The following ESF1 variants were observed in gnomAD, a reference collection of about 807,000 sequenced individuals.
ESF1 encodes ESF1 nucleolar pre-rRNA processing protein.
ESF1 carries 58 observed loss-of-function variants against 92.0 expected under a neutral mutation model. That is an observed-to-expected ratio of 0.63 (90% confidence interval 0.51 to 0.78). The LOEUF (loss-of-function observed/expected upper bound fraction) is 0.78. Ranked by LOEUF, ESF1 falls within the 30% of genes least tolerant of loss-of-function variation. ESF1 has a pLI of 0.00. For missense variants in ESF1, 922 were observed against 989.1 expected (o/e 0.93, Z 0.91); for synonymous variants, 321 against 313.7 (o/e 1.02, Z -0.24).
At chr20:13,748,457 T>C (rs6042338) in intron 9 of ESF1, among the ~76,000 whole-genome samples, 31 of 72,588 alleles carry the variant, frequency 4.3e-4, no homozygotes, top group African/African-American at 1.5e-3. Flanking sequence ...TACATATATA[T>C]ACATATATAC....
chr20:13,748,479 CAT>C (rs928975934), intron 9 of ESF1, among the ~76,000 whole-genome samples: 2 of 87,752 alleles, frequency 2.3e-5, no homozygotes, highest in Admixed American at 1.2e-4. Flanking sequence ...CATATATACA[CAT>C]ATACACATAT....
intron 2 of ESF1, among the ~76,000 whole-genome samples, chr20:13,779,597 C>T (rs1178872497): frequency 3.9e-5 from 6 of 152,174 alleles, no homozygotes; most frequent in South Asian, 2.1e-4. Flanking sequence ...TGCAGTGGCA[C>T]GATCTTGGCT....
At chr20:13,720,576 G>T (rs1688646702) in intron 11 of ESF1, among the ~76,000 whole-genome samples, 1 of 152,106 alleles carries the variant, frequency 6.6e-6, no homozygotes, top group Non-Finnish European at 1.5e-5. Context: ...CACTAGCCTG[G>T]GTTCTTGAAA....
chr20:13,718,152 C>T (rs576735200), intron 12 of ESF1, among the ~76,000 whole-genome samples: 2 of 152,288 alleles, frequency 1.3e-5, no homozygotes, highest in African/African-American at 4.8e-5. Context: ...AGTATGCTCT[C>T]GACCTTTGTG....
At chr20:13,728,265 G>A (rs2049915217) in intron 11 of ESF1, 113 bp downstream of exon 11, 1 of 736,634 alleles carries the variant, frequency 1.4e-6, no homozygotes, top group Non-Finnish European at 2.2e-6. Context: ...TGTCACTAAG[G>A]GAGCTACACA....
At chr20:13,743,125 A>G (rs1355547516) in intron 9 of ESF1, among the ~76,000 whole-genome samples, 1 of 152,220 alleles carries the variant, frequency 6.6e-6, no homozygotes. Flanking sequence ...AGACATACAA[A>G]TGGCCAACAG....
chr20:13,766,972 A>T, intron 7 of ESF1, 48 bp from the exon 8 acceptor site: 4 of 1,580,670 alleles, frequency 2.5e-6, no homozygotes, highest in Non-Finnish European at 3.4e-6. Context: ...TGGAAATGTC[A>T]GCTCAAACTT....
At chr20:13,764,577 A>G (rs897287001) in intron 8 of ESF1, among the ~76,000 whole-genome samples, 1 of 152,238 alleles carries the variant, frequency 6.6e-6, no homozygotes, top group African/African-American at 2.4e-5. Flanking sequence ...AGCCTTACAA[A>G]TAATACAGTC....
Position 13,769,956 on chromosome 20 carries a change from G to C in ESF1, c.1469C>G (p.Thr490Arg). The change falls in exon 7 of 14, where the codon ACA becomes AGA. Residue 490 changes from threonine (T) to arginine (R), a missense_variant. Thr to Arg is a moderately conservative substitution (Grantham distance 71). Coordinates refer to ENST00000617257, the MANE Select transcript of ESF1 (RefSeq NM_001276380.2). ...PKDVASEVNLTAYKPKYFTSA... is the reference protein window; with the variant it reads ...PKDVASEVNLRAYKPKYFTSA... The stretch of plus-strand genomic sequence containing the variant: ...AGTGAAATATTTTGGTTTATATGCT[G>C]TTAAATTCACTTCTGAGGCTACATC... 6.2e-7 allele frequency: 1 copy of C among 1,612,420 alleles called. No individual in the cohort carries two copies. Among genetic ancestry groups the C allele is most frequent in the South Asian group, 1.1e-5 (1 of 90,862 alleles).
rs78344053 is a variant in ESF1, at chr20:13,726,077, C to T, written c.2038+2301G>A. On this transcript the variant is annotated intron_variant, in intron 11 of 13. Transcript: ENST00000617257. ...TCTCTTCTCCATCCAATTCCACGAG[C>T]GGCATGCCAGGTAAACAACCATTAT... is the stretch of plus-strand genomic sequence containing the variant. Among the ~76,000 whole-genome samples the T allele has an allele frequency of 8.6e-4, 131 of 152,234 alleles. No individual in the cohort carries two copies. In the East Asian group the frequency reaches 0.022, roughly 26 times the overall value.
At chr20:13,774,374 G>A (rs1489300574) in intron 4 of ESF1, among the ~76,000 whole-genome samples, 2 of 152,196 alleles carry the variant, frequency 1.3e-5, no homozygotes, top group Admixed American at 6.5e-5. Context: ...CATCCAGTAA[G>A]TATATATAAT....
rs556180375 is a variant in ESF1 at position 13,775,828 on chromosome 20, T to C, written c.1035+45A>G. 3.9e-6 allele frequency: 6 copies of C among 1,545,976 alleles called. No homozygotes were observed. The South Asian group carries it at 7.8e-5, about 20-fold the overall frequency. On this transcript the variant is annotated intron_variant, in intron 3 of 13. Coordinates refer to ENST00000617257, the MANE Select transcript of ESF1 (RefSeq NM_001276380.2). ...AGTTCTACCAGCCATAAAAGCTGCT[T>C]GTACTGTGTTTTTCACAAATAATCT...
intron 7 of ESF1, 59 bp downstream of exon 7, chr20:13,769,848 C>T (rs1600291461): frequency 9.1e-7 from 1 of 1,102,220 alleles, no homozygotes; most frequent in African/African-American, 1.6e-5. Context: ...AAGTAATATA[C>T]AAAATCTCTT....
intron 9 of ESF1, among the ~76,000 whole-genome samples, chr20:13,751,572 G>C (rs1460368523): frequency 1.3e-5 from 2 of 152,034 alleles, no homozygotes; most frequent in Non-Finnish European, 2.9e-5. Flanking sequence ...GTGCAGGGAT[G>C]TGGGGGGGAA....
intron 9 of ESF1, among the ~76,000 whole-genome samples, chr20:13,744,385 CAT>C (rs1346514854): frequency 6.6e-6 from 1 of 152,198 alleles, no homozygotes; most frequent in African/African-American, 2.4e-5. Context: ...AGACATTCTA[CAT>C]ATGAGGAAAA....
At chr20:13,775,351 G>C (rs776786255) in intron 3 of ESF1, 81 bp from the exon 4 acceptor site, 38 of 868,112 alleles carry the variant, frequency 4.4e-5, no homozygotes, top group Non-Finnish European at 6.0e-5. Context: ...AAAATGTAAT[G>C]CCTTCTGTCC....
rs2049810997 is a variant in ESF1, at chr20:13,714,766, T to G, written c.*108A>C. 1.9e-6 allele frequency: 2 copies of G among 1,044,482 alleles called. No individual in the cohort carries two copies. The highest frequency in any genetic ancestry group is 2.7e-6 in the Non-Finnish European group (2 of 749,806). 64.7% of individuals were successfully genotyped at this position (1,044,482 alleles called of 1,614,324 possible). A position where few individuals can be genotyped will look rare whatever the true frequency, so the allele number is the denominator to read the frequency against. On this transcript the variant is annotated 3_prime_UTR_variant, in exon 14 of 14. Coordinates refer to ENST00000617257, the MANE Select transcript of ESF1 (RefSeq NM_001276380.2). ...ATTTTACTATGTCCAGAAAAAGATTTTATTCATGTTCTTGAAAGATAGCTT... is the reference window on the plus strand; with the variant it reads ...ATTTTACTATGTCCAGAAAAAGATTGTATTCATGTTCTTGAAAGATAGCTT...
chr20:13,731,720 T>A (rs1355821024), intron 10 of ESF1, among the ~76,000 whole-genome samples: 1 of 152,186 alleles, frequency 6.6e-6, no homozygotes, highest in East Asian at 1.9e-4. Flanking sequence ...TAGTCTTTTG[T>A]GTTCGGTCTT....
chr20:13,775,471 C>T (rs1937755765), intron 3 of ESF1, among the ~76,000 whole-genome samples: 4 of 152,132 alleles, frequency 2.6e-5, no homozygotes, highest in Non-Finnish European at 5.9e-5. Context: ...TAAGTACTTT[C>T]TCTTACTTGG....
Sources: gnomAD v4.1 joint callset for allele counts (sites outside exome capture counted in the v4.1 genomes callset) on GRCh38, gnomAD v4.1.1 for gene constraint, MANE v1.5 for transcripts, NCBI Gene and HGNC (gene_info 2026-07-23, HGNC 2026-07-21) for gene names.